GALNTL6: variants seen among roughly 807,000 people sequenced by gnomAD.
GALNTL6 encodes the protein polypeptide N-acetylgalactosaminyltransferase-like 6.
GALNTL6 carries 46 observed loss-of-function variants against 73.7 expected under a neutral mutation model. The ratio of observed to expected loss-of-function variants is 0.62; its 90% CI spans 0.49 to 0.80. The LOEUF (loss-of-function observed/expected upper bound fraction) is 0.80. Ranked by LOEUF, GALNTL6 falls within the 30% of genes least tolerant of loss-of-function variation. The pLI, the probability that GALNTL6 is intolerant of heterozygous loss-of-function variation, is 0.00. For synonymous variants in GALNTL6, 259 were observed against 263.7 expected (o/e 0.98, Z 0.17); for missense variants, 604 against 755.0 (o/e 0.80, Z 2.34).
chr4:172,472,392 G>A (rs978555388), intron 5 of GALNTL6, among the ~76,000 whole-genome samples: 2 of 152,130 alleles, frequency 1.3e-5, no homozygotes, highest in African/African-American at 4.8e-5. Context: ...TCTAATACTT[G>A]CCAAAACCTT....
chr4:173,009,157 A>G lies in GALNTL6; in HGVS notation c.1372-21A>G, dbSNP rs1342301735. The G allele has an allele frequency of 2.6e-6, 4 of 1,559,042 alleles. No homozygotes were observed. In the Admixed American group the frequency reaches 6.7e-5, roughly 26 times the overall value. ...AAATACGACATAGCCCCACACTCAA[A>G]ATTCTTTCTTCTTTCCACAGATCCG... is the stretch of plus-strand genomic sequence containing the variant. On this transcript the variant is annotated intron_variant, in intron 10 of 12. Coordinates refer to ENST00000506823, the MANE Select transcript of GALNTL6 (RefSeq NM_001034845.3).
intron 4 of GALNTL6, among the ~76,000 whole-genome samples, chr4:172,334,812 A>ATTC (rs1254171869): frequency 6.6e-6 from 1 of 152,204 alleles, no homozygotes; most frequent in East Asian, 1.9e-4. Context: ...TGTTCTTAAG[A>ATTC]GGAATGCTTC....
chr4:172,436,895 A>ACT, intron 5 of GALNTL6, among the ~76,000 whole-genome samples: 1 of 152,008 alleles, frequency 6.6e-6, no homozygotes. Flanking sequence ...TATTTGGTGG[A>ACT]TTTGCAGTCT....
intron 2 of GALNTL6, among the ~76,000 whole-genome samples, chr4:171,907,747 C>T (rs1737339357): frequency 1.3e-5 from 2 of 151,194 alleles, no homozygotes; most frequent in Admixed American, 1.3e-4. Context: ...TCAAACTATA[C>T]TACAAGGCTA....
At chr4:172,380,858 T>C (rs1048789123) in intron 5 of GALNTL6, among the ~76,000 whole-genome samples, 8 of 152,256 alleles carry the variant, frequency 5.3e-5, no homozygotes, top group Non-Finnish European at 1.5e-5. Flanking sequence ...TCAGATTGTT[T>C]ATTCCTTTTC....
intron 9 of GALNTL6, among the ~76,000 whole-genome samples, chr4:172,933,995 A>G (rs1027525714): frequency 1.3e-5 from 2 of 152,206 alleles, no homozygotes; most frequent in African/African-American, 4.8e-5. Context: ...TAAACAGCCT[A>G]CTGGTTGGTG....
chr4:172,538,265 C>T (rs1735419035), intron 5 of GALNTL6, among the ~76,000 whole-genome samples: 1 of 151,922 alleles, frequency 6.6e-6, no homozygotes, highest in African/African-American at 2.4e-5. Flanking sequence ...TCGAGACCAT[C>T]CTGGCTAACA....
chr4:172,855,745 T>A (rs955757817), intron 7 of GALNTL6, among the ~76,000 whole-genome samples: 13 of 152,200 alleles, frequency 8.5e-5, no homozygotes, highest in Admixed American at 4.6e-4. Flanking sequence ...TTCCTCAGCA[T>A]GTAACATTTC....
At chr4:172,882,686 A>G (rs1745519072) in intron 7 of GALNTL6, 104 bp from the exon 8 acceptor site, 6 of 784,484 alleles carry the variant, frequency 7.6e-6, no homozygotes, top group Non-Finnish European at 1.4e-5. Flanking sequence ...AGTTCCACAC[A>G]GCTGACCACT....
chr4:172,868,821 AT>A (rs1164561126), intron 7 of GALNTL6, among the ~76,000 whole-genome samples: 2 of 151,950 alleles, frequency 1.3e-5, no homozygotes, highest in East Asian at 3.9e-4. Context: ...TATTGCACAA[AT>A]CTAAAATACT....
chr4:172,085,072 CA>C (rs1332161540), intron 2 of GALNTL6, among the ~76,000 whole-genome samples: 1 of 151,428 alleles, frequency 6.6e-6, no homozygotes, highest in Non-Finnish European at 1.5e-5. Flanking sequence ...ATATTGTAAG[CA>C]AAAAATAATA....
chr4:172,179,969 G>A (rs1200210558), intron 2 of GALNTL6, among the ~76,000 whole-genome samples: 1 of 152,162 alleles, frequency 6.6e-6, no homozygotes. Flanking sequence ...CCAGTAATGT[G>A]ATTGCTAGGT....
At chr4:172,622,076 T>A (rs2111073556) in intron 5 of GALNTL6, among the ~76,000 whole-genome samples, 1 of 152,122 alleles carries the variant, frequency 6.6e-6, no homozygotes, top group African/African-American at 2.4e-5. Flanking sequence ...CCTATCAAAC[T>A]CAATGGAAAG....
At chr4:172,846,306 T>C (rs1178116784) in intron 7 of GALNTL6, among the ~76,000 whole-genome samples, 1 of 152,166 alleles carries the variant, frequency 6.6e-6, no homozygotes, top group Non-Finnish European at 1.5e-5. Context: ...AATATAATAG[T>C]GCTATTTCAA....
intron 5 of GALNTL6, among the ~76,000 whole-genome samples, chr4:172,806,105 A>G (rs552430115): frequency 3.1e-4 from 47 of 152,334 alleles, no homozygotes; most frequent in Non-Finnish European, 5.6e-4. Context: ...GAATTTGCTA[A>G]TTAGACTGAT....
chr4:172,895,191 A>G (rs1239391429), intron 8 of GALNTL6, among the ~76,000 whole-genome samples: 1 of 151,374 alleles, frequency 6.6e-6, no homozygotes, highest in Admixed American at 6.6e-5. Flanking sequence ...TTTACATTCA[A>G]TGCTATTATG....
intron 2 of GALNTL6, among the ~76,000 whole-genome samples, chr4:171,837,630 A>G (rs1372341540): frequency 6.8e-6 from 1 of 147,116 alleles, no homozygotes; most frequent in Non-Finnish European, 1.5e-5. Flanking sequence ...TAATGTATAT[A>G]TTTATATAAT....
chr4:172,326,709 A>G (rs1740955355), intron 4 of GALNTL6, among the ~76,000 whole-genome samples: 1 of 151,974 alleles, frequency 6.6e-6, no homozygotes, highest in South Asian at 2.1e-4. Flanking sequence ...AATTTATCAT[A>G]TTAATATAGC....
intron 4 of GALNTL6, among the ~76,000 whole-genome samples, chr4:172,348,253 A>T (rs547081850): frequency 6.6e-6 from 1 of 152,226 alleles, no homozygotes; most frequent in Admixed American, 6.5e-5. Context: ...ATGTACATCA[A>T]CAAGAGCACA....
Sources: gnomAD v4.1 joint callset for allele counts (sites outside exome capture counted in the v4.1 genomes callset) on GRCh38, gnomAD v4.1.1 for gene constraint, MANE v1.5 for transcripts, NCBI Gene and HGNC (gene_info 2026-07-23, HGNC 2026-07-21) for gene names.